The following MELTF variants were observed in gnomAD, a reference collection of about 807,000 sequenced individuals.
MELTF encodes the protein antigen p97 (melanoma associated) identified by monoclonal antibodies 133.2 and 96.5.
MELTF carries 67 observed loss-of-function variants against 83.7 expected under a neutral mutation model. That is an observed-to-expected ratio of 0.80 (90% CI 0.66 to 0.98). MELTF has a LOEUF of 0.98. Among genes scored for constraint, MELTF ranks in the 50% least tolerant of loss-of-function variants. The probability of loss-of-function intolerance (pLI) is 0.00; values close to 1 mark genes in which losing one functional copy is unlikely to be tolerated. For synonymous variants in MELTF, 462 were observed against 447.6 expected (o/e 1.03, Z -0.41); for missense variants, 1,002 against 1,035.6 (o/e 0.97, Z 0.44).
chr3:197,022,823 G>T lies in MELTF; in HGVS notation c.644+134C>A. The T allele has an allele frequency of 1.2e-6, 1 of 807,816 alleles. No homozygotes were observed. Among genetic ancestry groups the T allele is most frequent in the Non-Finnish European group, 2.0e-6 (1 of 494,850 alleles). 50.0% of individuals were successfully genotyped at this position (807,816 alleles called of 1,614,324 possible). Reference sequence around the variant, plus strand: ...AACCAGGGCACAGAACTATATAAAGGGTGCTTTGATGAGACGCAGCCAACA... The same window carrying T: ...AACCAGGGCACAGAACTATATAAAGTGTGCTTTGATGAGACGCAGCCAACA... On this transcript the variant is annotated intron_variant, in intron 5 of 15. Transcript: ENST00000296350. The surrounding 1 kb of genome is among the most constrained non-coding windows in gnomAD (Gnocchi z 5.1).
Position 197,029,514 on chromosome 3 carries a change from C to G in MELTF, c.49+140G>C, listed in dbSNP as rs981495002. 9.9e-6 allele frequency: 6 copies of G among 605,032 alleles called. No homozygotes were observed. The African/African-American group carries it at 1.1e-4, about 12-fold the overall frequency. The allele number at this position is 605,032 out of a possible 1,614,324, so 37.5% of individuals were successfully genotyped here. A position where few individuals can be genotyped will look rare whatever the true frequency, so the allele number is the denominator to read the frequency against. ...GCTAGTTCCCTCCGCCGTCCTCACT[C>G]GACCCCGAGCCCCTGCCTCCCCCGT... On this transcript the variant is annotated intron_variant, in intron 1 of 15. Transcript: ENST00000296350. This position sits in a 1 kb window ranked among gnomAD's most constrained non-coding sequence, Gnocchi z 6.5.
Position 197,016,327 on chromosome 3 carries a change from A to G in MELTF, c.943T>C (p.Ser315Pro), listed in dbSNP as rs1207830862. 1.9e-6 allele frequency: 3 copies of G among 1,608,992 alleles called. No homozygotes were observed. The highest frequency in any genetic ancestry group is 2.5e-6 in the Non-Finnish European group (3 of 1,177,550). The change falls in exon 8 of 16, where the codon TCT becomes CCT. Residue 315 changes from serine to proline, a missense_variant. Ser to Pro is a moderately conservative substitution (Grantham distance 74). Transcript: ENST00000296350. Reference protein sequence around the residue: ...HEGSSFQMFSSEAYGQKDLLF... With the variant: ...HEGSSFQMFSPEAYGQKDLLF... ...AGATCCTTCTGGCCATAGGCCTCAG[A>G]GCTGAACATCTGGAAGCTGCTGCCC...
At chr3:197,015,827 T>C (rs1719348857) in intron 8 of MELTF, among the ~76,000 whole-genome samples, 1 of 152,046 alleles carries the variant, frequency 6.6e-6, no homozygotes, top group Non-Finnish European at 1.5e-5. Flanking sequence ...AGGCGAAAGA[T>C]GGCACCTGCG....
Position 197,010,697 on chromosome 3 carries a change from C to T in MELTF, c.1330+1G>A, listed in dbSNP as rs374717031. ...GGCCAGGCGGCAGGCCCTGCACTCACGGGCATAGTGCTCCCCGGCTGCGGG... is the reference window on the plus strand; with the variant it reads ...GGCCAGGCGGCAGGCCCTGCACTCATGGGCATAGTGCTCCCCGGCTGCGGG... On this transcript the variant is annotated splice_donor_variant, in intron 10 of 15. Coordinates refer to ENST00000296350, the MANE Select transcript of MELTF (RefSeq NM_005929.6). LOFTEE classifies it high-confidence loss of function. 1.7e-5 allele frequency: 28 copies of T among 1,611,810 alleles called. No individual in the cohort carries two copies. Among genetic ancestry groups the T allele is most frequent in the African/African-American group, 1.2e-4 (9 of 74,928 alleles).
intron 2 of MELTF, 150 bp from the exon 3 acceptor site, chr3:197,026,909 C>A: frequency 1.6e-6 from 1 of 612,546 alleles, no homozygotes; most frequent in South Asian, 1.9e-5. Flanking sequence ...AACCAGAGCC[C>A]AGGGCTCTCC....
At position 197,010,752 on chromosome 3, in the gene MELTF, A is replaced by T. The variant is rs1719159582; in HGVS notation, c.1276T>A (p.Tyr426Asn). 6.2e-7 allele frequency: 1 copy of T among 1,613,626 alleles called. No homozygotes were observed. The highest frequency in any genetic ancestry group is 1.3e-5 in the African/African-American group (1 of 74,942). Residue 426 changes from tyrosine to asparagine, a missense_variant, in exon 10 of 16, where the codon TAC becomes AAC. Coordinates refer to ENST00000296350, the MANE Select transcript of MELTF (RefSeq NM_005929.6). ...AGGCCGTACGTCTTCCCCGCCGTGTAAATGTCCTCGCCACTCAGGGTCACA... is the reference window on the plus strand; with the variant it reads ...AGGCCGTACGTCTTCCCCGCCGTGTTAATGTCCTCGCCACTCAGGGTCACA... ...DAVTLSGEDIYTAGKTYGLVP... is the reference protein window; with the variant it reads ...DAVTLSGEDINTAGKTYGLVP...
At position 197,007,623 on chromosome 3, in the gene MELTF, G is replaced by A. The variant is rs1052828154; in HGVS notation, c.1751-887C>T. Among the ~76,000 whole-genome samples the A allele has an allele frequency of 1.3e-5, 2 of 152,196 alleles. No homozygotes were observed. The highest frequency in any genetic ancestry group is 4.8e-5 in the African/African-American group (2 of 41,448). ...TGCAGGAGCACACAGCCCCTCCCTG[G>A]GGGAGGGTTTCAGGTGTTCTTGGTA... is the stretch of plus-strand genomic sequence containing the variant. On this transcript the variant is annotated intron_variant, in intron 13 of 15. Transcript: ENST00000296350. The surrounding 1 kb of genome is among the most constrained non-coding windows in gnomAD (Gnocchi z 4.3).
chr3:197,026,612 T>C, intron 3 of MELTF, 48 bp downstream of exon 3: 1 of 1,554,954 alleles, frequency 6.4e-7, no homozygotes, highest in Non-Finnish European at 8.8e-7. Flanking sequence ...CCTGGAGAGC[T>C]GACTTCCAGC....
chr3:197,009,031 G>C (rs1297878896), intron 11 of MELTF, 66 bp from the exon 12 acceptor site: 10 of 1,582,256 alleles, frequency 6.3e-6, no homozygotes, highest in Non-Finnish European at 8.6e-6. Flanking sequence ...AGCTGGGCGG[G>C]CCGCTCCCCC....
intron 14 of MELTF, among the ~76,000 whole-genome samples, chr3:197,005,333 A>G (rs1309604506): frequency 2.0e-5 from 3 of 152,266 alleles, no homozygotes; most frequent in Non-Finnish European, 4.4e-5. Context: ...ACGGGGGTCC[A>G]ACTTTGGACT....
At position 197,024,444 on chromosome 3, in the gene MELTF, T is replaced by G. The variant is rs1298844848; in HGVS notation, c.346A>C (p.Ser116Arg). 1.2e-6 allele frequency: 2 copies of G among 1,605,752 alleles called. No individual in the cohort carries two copies. Among genetic ancestry groups the G allele is most frequent in the African/African-American group, 1.3e-5 (1 of 74,654 alleles). Residue 116 changes from serine (S) to arginine (R), a missense_variant, in exon 4 of 16, where the codon AGC becomes CGC. Transcript: ENST00000296350. The surrounding 1 kb of genome is among the most constrained non-coding windows in gnomAD (Gnocchi z 5.3). ...AGGGTGTCAATGGTCACATGGGAGC[T>G]CCTCCTGACCACAGCCACGGCGTAA... ...SYYAVAVVRR[S>R]SHVTIDTLKG...
At chr3:197,027,099 C>T (rs1719887898) in intron 2 of MELTF, 1 of 290,576 alleles carries the variant, frequency 3.4e-6, no homozygotes, top group Non-Finnish European at 6.6e-6. Context: ...CTACTGCTAC[C>T]CTAGGTTTTC....
intron 4 of MELTF, chr3:197,023,724 GT>G (rs35543320): frequency 1.2e-3 from 418 of 355,200 alleles, no homozygotes; most frequent in Middle Eastern, 2.9e-3. Flanking sequence ...CCTCTTCCTG[GT>G]TTTTTTTTTG....
rs1466161035 is a variant in MELTF, at chr3:197,024,265, A to C, written c.487+38T>G. On this transcript the variant is annotated intron_variant, in intron 4 of 15. Transcript: ENST00000296350. The surrounding 1 kb of genome is among the most constrained non-coding windows in gnomAD (Gnocchi z 5.3). ...AGCATGGGCCAAGGAAAGGAGGGGGAGGCCTGGGGACCCTCCTGCCCAGCC... is the reference window on the plus strand; with the variant it reads ...AGCATGGGCCAAGGAAAGGAGGGGGCGGCCTGGGGACCCTCCTGCCCAGCC... 6.6e-7 allele frequency: 1 copy of C among 1,505,854 alleles called. No homozygotes were observed. Among genetic ancestry groups the C allele is most frequent in the Non-Finnish European group, 8.9e-7 (1 of 1,121,954 alleles). The allele number at this position is 1,505,854 out of a possible 1,614,324, so 93.3% of individuals were successfully genotyped here. A position where few individuals can be genotyped will look rare whatever the true frequency, so the allele number is the denominator to read the frequency against.
At chr3:197,017,820 T>C (rs974213262) in intron 6 of MELTF, among the ~76,000 whole-genome samples, 3 of 152,086 alleles carry the variant, frequency 2.0e-5, no homozygotes, top group African/African-American at 7.2e-5. Context: ...GAGCTTGCAG[T>C]GAGCCGAGAT....
rs1230303179 is a variant in MELTF at position 197,003,374 on chromosome 3, A to AGAGGGCGGGCGGGAGCAGGCGGGCGGC, written c.2188_2214dup (p.Ala730_Leu738dup). ...GCTCTGGGGCGGGGCGGCCGGGCTC[A>AGAGGGCGGGCGGGAGCAGGCGGGCGGC]GAGGGCGGGCGGGAGCAGGCGGGCG... On this transcript the variant is annotated inframe_insertion, in exon 16 of 16. Transcript: ENST00000296350. This position sits in a 1 kb window ranked among gnomAD's most constrained non-coding sequence, Gnocchi z 6.2. 9 of 1,045,022 alleles carry AGAGGGCGGGCGGGAGCAGGCGGGCGGC rather than the reference A, an allele frequency of 8.6e-6. No individual in the cohort carries two copies. The highest frequency in any genetic ancestry group is 1.1e-4 in the Admixed American group (2 of 17,666). The allele number at this position is 1,045,022 out of a possible 1,614,324, so 64.7% of individuals were successfully genotyped here. A position where few individuals can be genotyped will look rare whatever the true frequency, so the allele number is the denominator to read the frequency against.
At position 197,006,494 on chromosome 3, in the gene MELTF, G is replaced by T; in HGVS notation, c.1938+55C>A. 6.6e-7 allele frequency: 1 copy of T among 1,524,836 alleles called. No homozygotes were observed. The highest frequency in any genetic ancestry group is 8.9e-7 in the Non-Finnish European group (1 of 1,126,336). 94.5% of individuals were successfully genotyped at this position (1,524,836 alleles called of 1,614,324 possible). ...CCAGGTAGACTGAGGCCTCCCAGGG[G>T]CTCAGCTTACCTCTGCTGCACACCC... is the stretch of plus-strand genomic sequence containing the variant. On this transcript the variant is annotated intron_variant, in intron 14 of 15. Coordinates refer to ENST00000296350, the MANE Select transcript of MELTF (RefSeq NM_005929.6). This position sits in a 1 kb window ranked among gnomAD's most constrained non-coding sequence, Gnocchi z 5.4.
Position 197,024,154 on chromosome 3 carries a change from AGGC to A in MELTF, c.487+146_487+148del. ...GCCGGCGGCAGAGTGGAGGCGGGGG[AGGC>A]ACGGGGCGGGCGGGGGCTGCTGCGC... On this transcript the variant is annotated intron_variant, in intron 4 of 15. Transcript: ENST00000296350. This position sits in a 1 kb window ranked among gnomAD's most constrained non-coding sequence, Gnocchi z 5.3. 1.7e-6 allele frequency: 1 copy of A among 574,800 alleles called. No individual in the cohort carries two copies. The highest frequency in any genetic ancestry group is 5.8e-5 in the Admixed American group (1 of 17,168). The allele number at this position is 574,800 out of a possible 1,614,324, so 35.6% of individuals were successfully genotyped here. A position where few individuals can be genotyped will look rare whatever the true frequency, so the allele number is the denominator to read the frequency against.
rs890232886 is a variant in MELTF, at chr3:197,011,181, C to T, written c.1234-387G>A. Among the ~76,000 whole-genome samples the T allele has an allele frequency of 2.6e-5, 4 of 152,248 alleles. No individual in the cohort carries two copies. ...GCCTCTCCAGCACCTGGCCAAGGGCCAGCACAGCGTGTGCTGCAATGCCTG... is the reference window on the plus strand; with the variant it reads ...GCCTCTCCAGCACCTGGCCAAGGGCTAGCACAGCGTGTGCTGCAATGCCTG... On this transcript the variant is annotated intron_variant, in intron 9 of 15. Transcript: ENST00000296350. This position sits in a 1 kb window ranked among gnomAD's most constrained non-coding sequence, Gnocchi z 4.2.
Sources: allele counts gnomAD v4.1 joint callset (sites outside exome capture counted in the v4.1 genomes callset), GRCh38; gene constraint gnomAD v4.1.1; non-coding constraint Gnocchi (gnomAD v3.1); transcripts MANE v1.5; gene names NCBI Gene and HGNC (gene_info 2026-07-23, HGNC 2026-07-21).